Variants in PPP1R13B observed in about 807,000 individuals in gnomAD.
PPP1R13B encodes protein phosphatase 1 regulatory subunit 13B, also known as apoptosis-stimulating of p53 protein 1.
PPP1R13B carries 44 observed loss-of-function variants against 119.8 expected under a neutral mutation model. The observed-to-expected ratio is 0.37, with a 90% CI of 0.29 to 0.47. PPP1R13B has a LOEUF of 0.47. PPP1R13B is among the 20% of genes least tolerant of loss of function. The pLI is 0.99. For synonymous variants in PPP1R13B, 542 were observed against 561.5 expected, an observed-to-expected ratio of 0.97 and a Z score of 0.49; for missense variants, 1,227 against 1,413.5, an observed-to-expected ratio of 0.87 and a Z score of 2.12.
At chr14:103,808,713 T>A (rs1420421720) in intron 1 of PPP1R13B, among the ~76,000 whole-genome samples, 1 of 152,208 alleles carries the variant, frequency 6.6e-6, no homozygotes, top group Non-Finnish European at 1.5e-5. Context: ...TAAGATCATA[T>A]TAAGTTCAAT....
intron 1 of PPP1R13B, among the ~76,000 whole-genome samples, chr14:103,811,094 C>CAAAA (rs36017203): frequency 3.8e-4 from 25 of 65,860 alleles, no homozygotes; most frequent in East Asian, 1.5e-3. Flanking sequence ...GACTCCTCCT[C>CAAAA]AAAAAAAAAA....
At chr14:103,799,402 A>T (rs1465723016) in intron 1 of PPP1R13B, among the ~76,000 whole-genome samples, 3 of 148,414 alleles carry the variant, frequency 2.0e-5, no homozygotes, top group Non-Finnish European at 4.5e-5. Context: ...CTGGTCTTGA[A>T]CTCCTGACCT....
intron 11 of PPP1R13B, among the ~76,000 whole-genome samples, chr14:103,741,182 TAAG>T (rs1015389459): frequency 6.6e-6 from 1 of 152,236 alleles, no homozygotes; most frequent in Non-Finnish European, 1.5e-5. Flanking sequence ...CAGGAATGTC[TAAG>T]AAGGCCCTAG....
chr14:103,737,940 G>T, intron 14 of PPP1R13B, 80 bp from the exon 15 acceptor site: 1 of 1,437,056 alleles, frequency 7.0e-7, no homozygotes, highest in Non-Finnish European at 9.2e-7. Context: ...TTCCCTCTAA[G>T]GAATCTCGCG....
chr14:103,785,703 G>C (rs1343211441), intron 2 of PPP1R13B, among the ~76,000 whole-genome samples: 2 of 149,392 alleles, frequency 1.3e-5, no homozygotes, highest in Non-Finnish European at 3.0e-5. Flanking sequence ...GGAGAGACGG[G>C]GTTTTACCAT....
At chr14:103,766,315 G>A (rs2084938725) in intron 4 of PPP1R13B, among the ~76,000 whole-genome samples, 1 of 152,054 alleles carries the variant, frequency 6.6e-6, no homozygotes. Flanking sequence ...GCCCCTAGGA[G>A]GAAAATTCTT....
intron 8 of PPP1R13B, chr14:103,747,246 G>T (rs576393129): frequency 6.6e-6 from 1 of 152,304 alleles, no homozygotes; most frequent in South Asian, 2.1e-4. Flanking sequence ...CCCTGTGATT[G>T]TAAGATTCTA....
intron 4 of PPP1R13B, among the ~76,000 whole-genome samples, chr14:103,774,859 T>C (rs909038946): frequency 2.6e-5 from 4 of 152,206 alleles, no homozygotes; most frequent in Admixed American, 6.5e-5. Context: ...GCTTAAAAGG[T>C]AGATGTGTAA....
intron 2 of PPP1R13B, among the ~76,000 whole-genome samples, chr14:103,791,813 G>A (rs2152034506): frequency 6.6e-6 from 1 of 152,172 alleles, no homozygotes; most frequent in East Asian, 1.9e-4. Context: ...ATACACATAT[G>A]CCTATAAAAA....
In PPP1R13B at chr14:103,794,543, G is replaced by A. The variant is rs749356398; in HGVS notation, c.157+2828C>T. 9 of 361,996 alleles carry A rather than the reference G, an allele frequency of 2.5e-5. No homozygotes were observed. In the Admixed American group the frequency reaches 2.5e-4, roughly 10 times the overall value. The allele number at this position is 361,996 out of a possible 1,614,324, so 22.4% of individuals were successfully genotyped here. A position where few individuals can be genotyped will look rare whatever the true frequency, so the allele number is the denominator to read the frequency against. On this transcript the variant is annotated intron_variant, in intron 2 of 16. Coordinates refer to ENST00000202556, the MANE Select transcript of PPP1R13B (RefSeq NM_015316.3). ...GGGTTTCACCATGTTGGCCAGGCTG[G>A]TCTCAAACTCCTGACCTCAGGTGAT... is the stretch of plus-strand genomic sequence containing the variant.
At chr14:103,791,210 CT>C (rs1424154333) in intron 2 of PPP1R13B, among the ~76,000 whole-genome samples, 1 of 151,852 alleles carries the variant, frequency 6.6e-6, no homozygotes, top group Non-Finnish European at 1.5e-5. Flanking sequence ...TAGCCTTGAA[CT>C]TCCGGGCTCA....
chr14:103,738,550 G>T lies in PPP1R13B; in HGVS notation c.2864+129C>A. The stretch of plus-strand genomic sequence containing the variant: ...AACCCTGGCAACAGCTGTCTTTCAA[G>T]GATGAAATGATGGGTGTTCTTGCTC... On this transcript the variant is annotated intron_variant, in intron 14 of 16. Coordinates refer to ENST00000202556, the MANE Select transcript of PPP1R13B (RefSeq NM_015316.3). The surrounding 1 kb of genome is among the most constrained non-coding windows in gnomAD (Gnocchi z 5.6). The T allele has an allele frequency of 7.2e-7, 1 of 1,391,734 alleles. No homozygotes were observed. The highest frequency in any genetic ancestry group is 2.3e-5 in the Admixed American group (1 of 42,590). The allele number at this position is 1,391,734 out of a possible 1,614,324, so 86.2% of individuals were successfully genotyped here. A position where few individuals can be genotyped will look rare whatever the true frequency, so the allele number is the denominator to read the frequency against.
intron 5 of PPP1R13B, among the ~76,000 whole-genome samples, chr14:103,755,946 A>C (rs1278441353): frequency 6.6e-6 from 1 of 152,254 alleles, no homozygotes; most frequent in Non-Finnish European, 1.5e-5. Context: ...TGGATAGTAC[A>C]ATGAAGTATA....
intron 1 of PPP1R13B, among the ~76,000 whole-genome samples, chr14:103,821,878 A>G (rs1270256005): frequency 2.0e-5 from 3 of 152,188 alleles, no homozygotes; most frequent in Admixed American, 6.5e-5. Flanking sequence ...AATGTAAGCT[A>G]AGTGACAATA....
chr14:103,836,508 T>G (rs957388578), intron 1 of PPP1R13B, among the ~76,000 whole-genome samples: 3 of 152,066 alleles, frequency 2.0e-5, no homozygotes, highest in African/African-American at 7.2e-5. Context: ...CTGTGGCTCA[T>G]GCCTGTAATC....
At chr14:103,791,207 G>A (rs937862465) in intron 2 of PPP1R13B, among the ~76,000 whole-genome samples, 1 of 151,646 alleles carries the variant, frequency 6.6e-6, no homozygotes, top group South Asian at 2.1e-4. Context: ...CTGTAGCCTT[G>A]AACTTCCGGG....
rs1286969450 is a variant in PPP1R13B, at chr14:103,734,895, T to C, written c.*259A>G. The C allele has an allele frequency of 8.4e-6, 5 of 597,762 alleles. No individual in the cohort carries two copies. The highest frequency in any genetic ancestry group is 3.5e-5 in the East Asian group (1 of 28,834). The allele number at this position is 597,762 out of a possible 1,614,324, so 37.0% of individuals were successfully genotyped here. ...CTTAATGGCAAGAGGGGTGGGTGTTTTGAAAGTGGGTATTTATTTGGATTT... is the reference window on the plus strand; with the variant it reads ...CTTAATGGCAAGAGGGGTGGGTGTTCTGAAAGTGGGTATTTATTTGGATTT... On this transcript the variant is annotated 3_prime_UTR_variant, in exon 17 of 17. Coordinates refer to ENST00000202556, the MANE Select transcript of PPP1R13B (RefSeq NM_015316.3).
At chr14:103,815,238 C>T (rs1007274160) in intron 1 of PPP1R13B, among the ~76,000 whole-genome samples, 9 of 151,996 alleles carry the variant, frequency 5.9e-5, no homozygotes, top group South Asian at 2.1e-4. Context: ...GGCAAATCCA[C>T]GGAGAGATAA....
At chr14:103,795,355 G>A (rs1210112993) in intron 2 of PPP1R13B, among the ~76,000 whole-genome samples, 1 of 152,126 alleles carries the variant, frequency 6.6e-6, no homozygotes, top group African/African-American at 2.4e-5. Flanking sequence ...AAGCTCCTAG[G>A]GATTGTTCTA....
Sources: gnomAD v4.1 joint callset for allele counts (sites outside exome capture counted in the v4.1 genomes callset) on GRCh38, gnomAD v4.1.1 for gene constraint, Gnocchi (gnomAD v3.1) non-coding constraint, MANE v1.5 for transcripts, NCBI Gene and HGNC (gene_info 2026-07-23, HGNC 2026-07-21) for gene names.